Variants in NXN observed in about 807,000 individuals in gnomAD.
The protein encoded by NXN is nucleoredoxin 1.
In NXN, 16 loss-of-function variants were observed where a neutral mutation model predicts 48.6. That is an observed-to-expected ratio of 0.33 (90% CI 0.22 to 0.50). NXN has a LOEUF of 0.50. Among genes scored for constraint, NXN ranks in the 20% least tolerant of loss-of-function variants. The pLI, the probability that NXN is intolerant of heterozygous loss-of-function variation, is 0.98. For synonymous variants in NXN, 281 were observed against 269.6 expected (o/e 1.04, Z -0.41); for missense variants, 492 against 605.5 (o/e 0.81, Z 1.97).
chr17:977,165 G>A (rs1022501028), intron 1 of NXN, among the ~76,000 whole-genome samples: 18 of 152,224 alleles, frequency 1.2e-4, no homozygotes, highest in African/African-American at 4.1e-4. Flanking sequence ...ATATATCCCC[G>A]AGAAAGATCT....
At chr17:944,876 G>A (rs1166462975) in intron 1 of NXN, among the ~76,000 whole-genome samples, 2 of 152,082 alleles carry the variant, frequency 1.3e-5, no homozygotes, top group African/African-American at 4.8e-5. Flanking sequence ...ACTGAGGGAA[G>A]ATTTAAAAAC....
chr17:869,883 A>G (rs1051844491), intron 1 of NXN, among the ~76,000 whole-genome samples: 3 of 152,158 alleles, frequency 2.0e-5, no homozygotes, highest in Non-Finnish European at 2.9e-5. Context: ...CCTGCTGCCC[A>G]GAGTAAAAGG....
intron 1 of NXN, among the ~76,000 whole-genome samples, chr17:963,265 T>A (rs1475923846): frequency 6.6e-6 from 1 of 151,638 alleles, no homozygotes; most frequent in Non-Finnish European, 1.5e-5. Context: ...TTGAAATTTT[T>A]TTTTTAACAT....
chr17:850,440 A>G (rs529287018), intron 1 of NXN, among the ~76,000 whole-genome samples: 1 of 152,368 alleles, frequency 6.6e-6, no homozygotes, highest in South Asian at 2.1e-4. Context: ...GTGTGTGGAC[A>G]TGAGAAAAGT....
At position 852,263 on chromosome 17, in the gene NXN, TGCCTCAGCCACAGCCTCAGCCTCA is replaced by T. The variant is rs1050774964; in HGVS notation, c.361-26209_361-26186del. ...CTCACAAGTCCCATCAGCGAGAACC[TGCCTCAGCCACAGCCTCAGCCTCA>T]GCCTCAGCCACAGCCTCAGTCGGGG... On this transcript the variant is annotated intron_variant, in intron 1 of 7. Coordinates refer to ENST00000336868, the MANE Select transcript of NXN (RefSeq NM_022463.5). Among the ~76,000 whole-genome samples the T allele has an allele frequency of 1.8e-4, 27 of 152,210 alleles. 1 individual carries two copies. The East Asian group carries it at 4.8e-3, about 27-fold the overall frequency.
intron 1 of NXN, among the ~76,000 whole-genome samples, chr17:853,135 G>A (rs377673264): frequency 2.6e-5 from 4 of 151,992 alleles, no homozygotes; most frequent in African/African-American, 9.7e-5. Flanking sequence ...CCACCACCAT[G>A]CCCGGCTAAA....
chr17:833,296 G>C (rs1468660004), intron 1 of NXN, among the ~76,000 whole-genome samples: 2 of 152,118 alleles, frequency 1.3e-5, no homozygotes, highest in Non-Finnish European at 2.9e-5. Flanking sequence ...GCCACCCAAA[G>C]CATGAAGGTT....
intron 1 of NXN, among the ~76,000 whole-genome samples, chr17:837,170 G>A (rs780188189): frequency 2.0e-5 from 3 of 152,186 alleles, no homozygotes; most frequent in Non-Finnish European, 2.9e-5. Flanking sequence ...TGGCAACAGC[G>A]TCTCGCTATG....
At chr17:922,383 G>A (rs569984526) in intron 1 of NXN, among the ~76,000 whole-genome samples, 2 of 152,160 alleles carry the variant, frequency 1.3e-5, no homozygotes, top group East Asian at 2.0e-4. Flanking sequence ...GGCAGAGGTT[G>A]TGGTGAGCCA....
At chr17:905,655 T>G (rs2068575575) in intron 1 of NXN, among the ~76,000 whole-genome samples, 1 of 152,168 alleles carries the variant, frequency 6.6e-6, no homozygotes, top group Non-Finnish European at 1.5e-5. Context: ...GCCACATGTA[T>G]CATCTTAAAT....
intron 1 of NXN, among the ~76,000 whole-genome samples, chr17:960,064 C>A (rs949172929): frequency 2.6e-5 from 4 of 152,164 alleles, no homozygotes; most frequent in Middle Eastern, 6.8e-3. Context: ...TGCACTCCAG[C>A]CTGGGAGACA....
chr17:912,723 C>A (rs549686668), intron 1 of NXN, among the ~76,000 whole-genome samples: 2 of 152,032 alleles, frequency 1.3e-5, no homozygotes, highest in African/African-American at 2.4e-5. Context: ...GAGGCCGATG[C>A]GGGCGGATCA....
intron 1 of NXN, among the ~76,000 whole-genome samples, chr17:901,139 T>C (rs1242551487): frequency 6.6e-6 from 1 of 152,092 alleles, no homozygotes; most frequent in Non-Finnish European, 1.5e-5. Flanking sequence ...CAGGATGGTC[T>C]CGATCTCCTG....
chr17:914,856 G>A (rs1227748875), intron 1 of NXN, among the ~76,000 whole-genome samples: 1 of 152,212 alleles, frequency 6.6e-6, no homozygotes, highest in Non-Finnish European at 1.5e-5. Context: ...CAACAGCACA[G>A]GCAAATAAAG....
rs1567827948 is a variant in NXN, at chr17:841,573, GAGCATCTCACGCCGGCGA to G, written c.361-15513_361-15496del. Among the ~76,000 whole-genome samples the G allele has an allele frequency of 2.3e-4, 30 of 128,606 alleles. 2 individuals are homozygous for G. The highest frequency in any genetic ancestry group is 5.1e-4 in the African/African-American group (16 of 31,600). 84.4% of individuals were successfully genotyped at this position (128,606 alleles called of 152,430 possible). On this transcript the variant is annotated intron_variant, in intron 1 of 7. Transcript: ENST00000336868. Reference sequence around the variant, plus strand: ...GGCGAGCAGGTCCCCCCTGACCACGGAGCATCTCACGCCGGCGAGCAGGTCCCCCCGACCACAGAGCAT... The same window carrying G: ...GGCGAGCAGGTCCCCCCTGACCACGGGCAGGTCCCCCCGACCACAGAGCAT...
chr17:815,732 G>A (rs1338049208), intron 5 of NXN, among the ~76,000 whole-genome samples: 2 of 152,210 alleles, frequency 1.3e-5, no homozygotes, highest in Admixed American at 1.3e-4. Context: ...CGCAGGGCCT[G>A]TTATCTGTTT....
intron 1 of NXN, among the ~76,000 whole-genome samples, chr17:937,787 G>A (rs565119544): frequency 6.6e-6 from 1 of 152,340 alleles, no homozygotes; most frequent in Non-Finnish European, 1.5e-5. Flanking sequence ...TTCACGGGGC[G>A]TTCGATGATG....
chr17:920,984 A>C lies in NXN; in HGVS notation c.360+58335T>G, dbSNP rs1567863309. On this transcript the variant is annotated intron_variant, in intron 1 of 7. Transcript: ENST00000336868. This position sits in a 1 kb window ranked among gnomAD's most constrained non-coding sequence, Gnocchi z 4.6. ...GTGATCCTCCCACCTTGGCCCCCAA[A>C]AGTCCTGGATGACAGGTGTGAGCCA... 6.6e-6 allele frequency among the ~76,000 whole-genome samples: 1 copy of C among 152,110 alleles called. No homozygotes were observed.
At chr17:954,968 G>A (rs970950506) in intron 1 of NXN, among the ~76,000 whole-genome samples, 5 of 152,106 alleles carry the variant, frequency 3.3e-5, no homozygotes, top group African/African-American at 9.7e-5. Context: ...ACAGCCACTC[G>A]AGGCTTTCCA....
Sources: allele counts gnomAD v4.1 joint callset (sites outside exome capture counted in the v4.1 genomes callset), GRCh38; gene constraint gnomAD v4.1.1; non-coding constraint Gnocchi (gnomAD v3.1); transcripts MANE v1.5; gene names NCBI Gene and HGNC (gene_info 2026-07-23, HGNC 2026-07-21).